RFXANK: variants seen among roughly 807,000 people sequenced by gnomAD.
RFXANK encodes regulatory factor X associated ankyrin containing protein, also known as DNA-binding protein RFXANK.
Under a neutral mutation model 34.5 loss-of-function variants are expected in RFXANK, and 19 were observed. The ratio of observed to expected loss-of-function variants is 0.55; its 90% CI spans 0.38 to 0.81. The LOEUF is 0.81. RFXANK is among the 30% of genes least tolerant of loss of function. The pLI is 0.00. For synonymous variants in RFXANK, 154 were observed against 149.8 expected (o/e 1.03, Z -0.20); for missense variants, 295 against 343.5 (o/e 0.86, Z 1.12).
intron 9 of RFXANK, among the ~76,000 whole-genome samples, chr19:19,200,473 G>C (rs905423719): frequency 1.3e-5 from 2 of 151,956 alleles, no homozygotes; most frequent in African/African-American, 4.8e-5. Context: ...ACCACGCCTG[G>C]CTGTGTTGTT....
chr19:19,197,198 A>G lies in RFXANK; in HGVS notation c.284A>G (p.His95Arg), dbSNP rs977481623. 6.2e-7 allele frequency: 1 copy of G among 1,613,844 alleles called. No individual in the cohort carries two copies. The highest frequency in any genetic ancestry group is 1.3e-5 in the African/African-American group (1 of 75,026). ...LPATLDSLSI[H>R]QLAAQGELDQ... is the part of the protein sequence containing the mutation. ...TGTCCTGCCCCAGCCCTGTCCATCC[A>G]CCAGCTCGCAGCACAGGGGGAGCTG... Residue 95 changes from histidine to arginine, a missense_variant, in exon 5 of 10, where the codon CAC becomes CGC. Physicochemically the swap from His to Arg is conservative, Grantham distance 29 (BLOSUM62 0). Transcript: ENST00000303088.
Position 19,194,122 on chromosome 19 carries a change from C to A in RFXANK, c.176C>A (p.Ser59Tyr). 1 of 1,614,200 alleles carries A rather than the reference C, an allele frequency of 6.2e-7. No individual in the cohort carries two copies. Among genetic ancestry groups the A allele is most frequent in the Non-Finnish European group, 8.5e-7 (1 of 1,180,024 alleles). Residue 59 changes from serine (S) to tyrosine (Y), a missense_variant, in exon 3 of 10, where the codon TCC becomes TAC. Coordinates refer to ENST00000303088, the MANE Select transcript of RFXANK (RefSeq NM_003721.4). ...PVNPEPDASV[S>Y]SPQAGSSLKH... ...AATCCTGAACCGGATGCCAGTGTTT[C>A]CTCTCCACAGGGTAGGATACCTCCT... is the stretch of plus-strand genomic sequence containing the variant.
At chr19:19,201,628 C>T in intron 9 of RFXANK, 21 bp from the exon 10 acceptor site, 1 of 1,614,022 alleles carries the variant, frequency 6.2e-7, no homozygotes, top group Non-Finnish European at 8.5e-7. Flanking sequence ...CACAGCCCAC[C>T]TTTTCCCTGC....
At chr19:19,193,910 C>T (rs2060546579) in intron 2 of RFXANK, 29 bp from the exon 3 acceptor site, 2 of 1,610,824 alleles carry the variant, frequency 1.2e-6, no homozygotes, top group Middle Eastern at 1.7e-4. Flanking sequence ...TAATTATTGT[C>T]ATCTCTCCCC....
chr19:19,199,330 C>A, intron 9 of RFXANK, 96 bp downstream of exon 9: 1 of 1,188,246 alleles, frequency 8.4e-7, no homozygotes, highest in Non-Finnish European at 1.3e-6. Flanking sequence ...GGTCATACGC[C>A]GGCAGCGAGA....
chr19:19,192,270 G>A lies in RFXANK; in HGVS notation c.-434G>A. 9.8e-7 allele frequency: 1 copy of A among 1,020,162 alleles called. No homozygotes were observed. Among genetic ancestry groups the A allele is most frequent in the Non-Finnish European group, 1.4e-6 (1 of 695,888 alleles). 63.2% of individuals were successfully genotyped at this position (1,020,162 alleles called of 1,614,324 possible). ...CCCGCTCCTCAGTCTTTGCGGACAA[G>A]AAAGGGGCTGTGTGAGACGCAGGGA... is the stretch of plus-strand genomic sequence containing the variant. On this transcript the variant is annotated 5_prime_UTR_variant, in exon 1 of 10. Transcript: ENST00000303088.
chr19:19,197,668 AG>A (rs764536303), intron 6 of RFXANK, 47 bp downstream of exon 6: 1 of 1,561,164 alleles, frequency 6.4e-7, no homozygotes, highest in South Asian at 1.1e-5. Flanking sequence ...CGGGGGCCTT[AG>A]GGTGGGCTGG....
At position 19,197,633 on chromosome 19, in the gene RFXANK, C is replaced by T. The variant is rs1272192531; in HGVS notation, c.438+12C>T. On this transcript the variant is annotated intron_variant, in intron 6 of 9. Coordinates refer to ENST00000303088, the MANE Select transcript of RFXANK (RefSeq NM_003721.4). ...TCCTGCTGGAGTGGGTGCGTCCCAG[C>T]CCAGCTGGGCAGCTGGGGGGTTCCC... The T allele has an allele frequency of 3.1e-6, 5 of 1,611,900 alleles. No individual in the cohort carries two copies. In the African/African-American group the frequency reaches 6.7e-5, roughly 22 times the overall value.
Position 19,199,145 on chromosome 19 carries a change from C to T in RFXANK, c.632-9C>T. The T allele has an allele frequency of 6.2e-7, 1 of 1,613,464 alleles. No individual in the cohort carries two copies. The highest frequency in any genetic ancestry group is 8.5e-7 in the Non-Finnish European group (1 of 1,179,958). ...CCCACCCTCCAGCGCCCTCCCCTCT[C>T]CTTTGCAGCCCGAGGCGCTGACCTC... On this transcript the variant is annotated splice_polypyrimidine_tract_variant and intron_variant, in intron 8 of 9. Transcript: ENST00000303088.
chr19:19,196,115 C>T (rs1234351206), intron 3 of RFXANK, among the ~76,000 whole-genome samples: 1 of 152,030 alleles, frequency 6.6e-6, no homozygotes, highest in African/African-American at 2.4e-5. Context: ...CCTACTTGAC[C>T]CCCGACTCCC....
chr19:19,193,810 G>C, intron 2 of RFXANK, 129 bp from the exon 3 acceptor site: 1 of 1,026,612 alleles, frequency 9.7e-7, no homozygotes, highest in Non-Finnish European at 1.5e-6. Context: ...CATTTCCCTG[G>C]CTCTGGTAAT....
intron 9 of RFXANK, among the ~76,000 whole-genome samples, chr19:19,199,993 G>A (rs998867832): frequency 6.6e-6 from 1 of 151,968 alleles, no homozygotes; most frequent in African/African-American, 2.4e-5. Context: ...TGTTTTCGGG[G>A]GGTTTGTTTT....
chr19:19,197,197 C>T lies in RFXANK; in HGVS notation c.283C>T (p.His95Tyr), dbSNP rs1196155543. 3 of 1,613,898 alleles carry T rather than the reference C, an allele frequency of 1.9e-6. No homozygotes were observed. The change falls in exon 5 of 10, where the codon CAC becomes TAC. Residue 95 changes from histidine (H) to tyrosine (Y), a missense_variant. Coordinates refer to ENST00000303088, the MANE Select transcript of RFXANK (RefSeq NM_003721.4). ...CTGTCCTGCCCCAGCCCTGTCCATC[C>T]ACCAGCTCGCAGCACAGGGGGAGCT... ...LPATLDSLSI[H>Y]QLAAQGELDQ...
In RFXANK at chr19:19,192,375, AG is replaced by A. The variant is rs1323605717; in HGVS notation, c.-324del. On this transcript the variant is annotated 5_prime_UTR_variant, in exon 1 of 10. Transcript: ENST00000303088. ...TGGTGGAGCGACACCCAGGCAGGAG[AG>A]GGGGAAGAACTCTCTCCCTTTCTGA... 2 of 582,080 alleles carry A rather than the reference AG, an allele frequency of 3.4e-6. No individual in the cohort carries two copies. Among genetic ancestry groups the A allele is most frequent in the East Asian group, 2.9e-5 (1 of 34,570 alleles). The allele number at this position is 582,080 out of a possible 1,614,324, so 36.1% of individuals were successfully genotyped here.
intron 3 of RFXANK, among the ~76,000 whole-genome samples, chr19:19,194,606 A>G (rs541987134): frequency 6.6e-6 from 1 of 150,792 alleles, no homozygotes; most frequent in South Asian, 2.1e-4. Flanking sequence ...ATCATAGTTC[A>G]CTGCAGCCTC....
At chr19:19,198,432 C>T (rs549510199) in intron 7 of RFXANK, among the ~76,000 whole-genome samples, 200 bp downstream of exon 7, 7 of 152,320 alleles carry the variant, frequency 4.6e-5, no homozygotes, top group African/African-American at 1.2e-4. Context: ...CAGTGAACTG[C>T]GCTGCGATGG....
At position 19,198,676 on chromosome 19, in the gene RFXANK, T is replaced by C. The variant is rs751386365; in HGVS notation, c.584T>C (p.Leu195Pro). The change falls in exon 8 of 10, where the codon CTG (leucine) becomes CCG (proline). Residue 195 changes from leucine to proline, a missense_variant. Physicochemically the swap from Leu to Pro is moderately conservative, Grantham distance 98 (BLOSUM62 -3). Transcript: ENST00000303088. ...CGACAGAATGGAGGGACGCCACTGC[T>C]GTACGCTGTGCGCGGGAACCACGTG... ...IYDWNGGTPL[L>P]YAVRGNHVKC... 4.3e-6 allele frequency: 7 copies of C among 1,613,854 alleles called. No homozygotes were observed. The South Asian group carries it at 7.7e-5, about 18-fold the overall frequency.
chr19:19,195,297 C>T (rs1049537000), intron 3 of RFXANK, among the ~76,000 whole-genome samples: 13 of 149,036 alleles, frequency 8.7e-5, no homozygotes, highest in African/African-American at 3.2e-4. Flanking sequence ...CCCCTCTCCC[C>T]ACTCTCGAGA....
Position 19,192,504 on chromosome 19 carries a change from T to G in RFXANK, c.-200T>G, listed in dbSNP as rs2060500152. ...AGCCCTCTGCCCCCGCCCTTGCTTA[T>G]AAGCCTTTGAGACCGCAGAAGGGAC... On this transcript the variant is annotated 5_prime_UTR_variant, in exon 1 of 10. Coordinates refer to ENST00000303088, the MANE Select transcript of RFXANK (RefSeq NM_003721.4). 3 of 274,266 alleles carry G rather than the reference T, an allele frequency of 1.1e-5. No individual in the cohort carries two copies. Among genetic ancestry groups the G allele is most frequent in the Non-Finnish European group, 2.1e-5 (3 of 141,210 alleles). 17.0% of individuals were successfully genotyped at this position (274,266 alleles called of 1,614,324 possible).
Sources: gnomAD v4.1 joint callset for allele counts (sites outside exome capture counted in the v4.1 genomes callset) on GRCh38, gnomAD v4.1.1 for gene constraint, MANE v1.5 for transcripts, NCBI Gene and HGNC (gene_info 2026-07-23, HGNC 2026-07-21) for gene names.